PHYKPL: variants seen among roughly 807,000 people sequenced by gnomAD.
The protein encoded by PHYKPL is 5-phosphonooxy-L-lysine phospho-lyase.
In PHYKPL, 42 loss-of-function variants were observed where a neutral mutation model predicts 51.3. That is an observed-to-expected ratio of 0.82 (90% CI 0.64 to 1.06). The LOEUF (loss-of-function observed/expected upper bound fraction) is 1.06, where lower values mean the gene tolerates loss of function less well. PHYKPL is among the 50% of genes least tolerant of loss of function. PHYKPL has a pLI of 0.00. For synonymous variants in PHYKPL, 264 were observed against 236.0 expected (o/e 1.12, Z -1.09); for missense variants, 655 against 586.6 (o/e 1.12, Z -1.20).
At chr5:178,217,325 A>AT (rs1461855808) in intron 8 of PHYKPL, among the ~76,000 whole-genome samples, 2 of 150,924 alleles carry the variant, frequency 1.3e-5, no homozygotes, top group Non-Finnish European at 2.9e-5. Context: ...GGTTCAGGCG[A>AT]TTCTGGTGCT....
intron 3 of PHYKPL, among the ~76,000 whole-genome samples, chr5:178,227,793 G>C (rs1263642151): frequency 6.6e-6 from 1 of 152,226 alleles, no homozygotes; most frequent in African/African-American, 2.4e-5. Flanking sequence ...AGTAGAAGGA[G>C]AAGACCAAGG....
intron 8 of PHYKPL, among the ~76,000 whole-genome samples, chr5:178,221,419 A>G (rs895532950): frequency 4.6e-5 from 7 of 151,922 alleles, no homozygotes; most frequent in African/African-American, 1.7e-4. Context: ...TGAACACACT[A>G]CTTCCACTCA....
At chr5:178,225,247 C>CA in intron 4 of PHYKPL, 108 bp downstream of exon 4, 2 of 1,294,850 alleles carry the variant, frequency 1.5e-6, no homozygotes, top group Non-Finnish European at 1.1e-6. Context: ...TTCAGTAGCC[C>CA]AGGCCCCTTA....
At chr5:178,222,251 T>G in intron 8 of PHYKPL, 104 bp downstream of exon 8, 1 of 993,594 alleles carries the variant, frequency 1.0e-6, no homozygotes, top group Non-Finnish European at 1.5e-6. Flanking sequence ...AAGCGTGTGC[T>G]GGGCACAGTG....
chr5:178,230,239 G>A (rs1763111433), intron 2 of PHYKPL, 140 bp from the exon 3 acceptor site: 1 of 1,012,704 alleles, frequency 9.9e-7, no homozygotes, highest in Non-Finnish European at 1.4e-6. Flanking sequence ...TCTGAAGGCA[G>A]AGCAGGGAGA....
chr5:178,219,730 G>A (rs982797592), intron 8 of PHYKPL, among the ~76,000 whole-genome samples: 5 of 152,030 alleles, frequency 3.3e-5, no homozygotes, highest in African/African-American at 7.2e-5. Context: ...GATTACAGGC[G>A]TGAGCCACCG....
chr5:178,221,686 C>T (rs1211511637), intron 8 of PHYKPL, among the ~76,000 whole-genome samples: 1 of 152,178 alleles, frequency 6.6e-6, no homozygotes, highest in African/African-American at 2.4e-5. Context: ...TGCCCTTCCT[C>T]CTCTGGGCCT....
At chr5:178,216,275 C>T (rs1186683966) in intron 8 of PHYKPL, 2 of 152,196 alleles carry the variant, frequency 1.3e-5, no homozygotes, top group Non-Finnish European at 2.9e-5. Flanking sequence ...TAGGGATGTG[C>T]TTATGCCCAG....
intron 7 of PHYKPL, 63 bp from the exon 8 acceptor site, chr5:178,222,643 G>A (rs928086995): frequency 6.4e-7 from 1 of 1,556,904 alleles, no homozygotes. Context: ...CAGGACCCAG[G>A]AGGTCTCGGG....
rs1277596102 is a variant in PHYKPL at position 178,232,490 on chromosome 5, A to C, written c.59+2T>G. 13 of 1,194,016 alleles carry C rather than the reference A, an allele frequency of 1.1e-5. No individual in the cohort carries two copies. The highest frequency in any genetic ancestry group is 1.6e-5 in the African/African-American group (1 of 61,146). 74.0% of individuals were successfully genotyped at this position (1,194,016 alleles called of 1,614,324 possible). On this transcript the variant is annotated splice_donor_variant, in intron 1 of 12. Transcript: ENST00000308158. LOFTEE classifies it high-confidence loss of function. ...CCCGCCGCCCGCCCCCCGCCCGGGT[A>C]CCTGATGAGCCGTTGCCTCAGGGCC...
chr5:178,230,149 C>T, intron 2 of PHYKPL, 50 bp from the exon 3 acceptor site: 2 of 1,605,422 alleles, frequency 1.2e-6, no homozygotes, highest in South Asian at 1.1e-5. Context: ...CAGCCAGTCC[C>T]ACTGGGCCTC....
chr5:178,210,788 A>G (rs1758051702), intron 12 of PHYKPL: 1 of 653,852 alleles, frequency 1.5e-6, no homozygotes, highest in Non-Finnish European at 2.8e-6. Context: ...GACTATTTCC[A>G]GAGCTCTAGG....
At chr5:178,223,207 T>C (rs78718890) in intron 6 of PHYKPL, 38,221 of 451,150 alleles carry the variant, frequency 0.085, 1,973 homozygotes, top group Non-Finnish European at 0.1. Flanking sequence ...GTTCCTTCCC[T>C]GTCCCCCATT....
Position 178,231,491 on chromosome 5 carries a change from G to A in PHYKPL, c.92C>T (p.Pro31Leu). 1 of 1,614,198 alleles carries A rather than the reference G, an allele frequency of 6.2e-7. No individual in the cohort carries two copies. Among genetic ancestry groups the A allele is most frequent in the Non-Finnish European group, 8.5e-7 (1 of 1,180,028 alleles). ...SSCRLFFPED[P>L]VKIVRAQGQY... ...CCCTTGGGCCCGGACAATCTTAACAGGATCCTCGGGAAAAAAGAGTCTGCA... is the reference window on the plus strand; with the variant it reads ...CCCTTGGGCCCGGACAATCTTAACAAGATCCTCGGGAAAAAAGAGTCTGCA... The change falls in exon 2 of 13, where the codon CCT becomes CTT. Residue 31 changes from proline (P) to leucine (L), a missense_variant. Coordinates refer to ENST00000308158, the MANE Select transcript of PHYKPL (RefSeq NM_153373.4).
rs1757528805 is a variant in PHYKPL at position 178,209,539 on chromosome 5, C to T, written c.*32-624G>A. 4 of 1,068,380 alleles carry T rather than the reference C, an allele frequency of 3.7e-6. No homozygotes were observed. The Admixed American group carries it at 5.8e-5, about 15-fold the overall frequency. The allele number at this position is 1,068,380 out of a possible 1,614,324, so 66.2% of individuals were successfully genotyped here. ...TGGGGCTCCCTCTGGTGCTGTGCAG[C>T]AGGGGTGGGCAGATTGTGTGAGGTT... On this transcript the variant is annotated intron_variant, in intron 12 of 12. Coordinates refer to ENST00000308158, the MANE Select transcript of PHYKPL (RefSeq NM_153373.4).
At chr5:178,227,563 CAGG>C (rs1356802861) in intron 3 of PHYKPL, among the ~76,000 whole-genome samples, 2 of 152,088 alleles carry the variant, frequency 1.3e-5, no homozygotes, top group Admixed American at 6.6e-5. Flanking sequence ...CTCCGGGAAC[CAGG>C]AGAAGATGAG....
intron 3 of PHYKPL, among the ~76,000 whole-genome samples, chr5:178,229,032 T>C (rs941741364): frequency 2.6e-5 from 4 of 152,070 alleles, no homozygotes; most frequent in African/African-American, 9.7e-5. Context: ...ACCATATCCT[T>C]TCCTGCTACA....
chr5:178,208,561 G>A lies in PHYKPL; in HGVS notation c.*386C>T, dbSNP rs1757232527. Reference sequence around the variant, plus strand: ...ATATCAGATTGCATTATTTTAATTTGCCAATTAAAAGTATGACTGGGACAC... The same window carrying A: ...ATATCAGATTGCATTATTTTAATTTACCAATTAAAAGTATGACTGGGACAC... On this transcript the variant is annotated 3_prime_UTR_variant, in exon 13 of 13. Transcript: ENST00000308158. 6.6e-6 allele frequency: 1 copy of A among 152,172 alleles called. No individual in the cohort carries two copies. The highest frequency in any genetic ancestry group is 2.1e-4 in the South Asian group (1 of 4,826). The allele number at this position is 152,172 out of a possible 1,614,324, so 9.4% of individuals were successfully genotyped here.
chr5:178,207,230 G>A (rs199803568), downstream of PHYKPL: 2,271 of 1,614,052 alleles, frequency 1.4e-3, 3 homozygotes, highest in Non-Finnish European at 1.8e-3. Flanking sequence ...AGCAAGGTAA[G>A]GTGTTCCCAG....
Sources: gnomAD v4.1 joint callset for allele counts (sites outside exome capture counted in the v4.1 genomes callset) on GRCh38, gnomAD v4.1.1 for gene constraint, MANE v1.5 for transcripts, NCBI Gene and HGNC (gene_info 2026-07-23, HGNC 2026-07-21) for gene names.